USP50: variants seen among roughly 807,000 people sequenced by gnomAD.
The protein encoded by USP50 is ubiquitin carboxyl-terminal hydrolase 50.
A neutral mutation model predicts 39.2 loss-of-function variants in USP50; 37 were observed. The ratio of observed to expected loss-of-function variants is 0.94; its 90% CI spans 0.73 to 1.24. The LOEUF is 1.24. Ranked by LOEUF, USP50 falls within the 50% of genes most tolerant of loss-of-function variation. USP50 has a pLI of 0.00. For missense variants in USP50, 374 were observed against 398.2 expected (o/e 0.94, Z 0.52); for synonymous variants, 139 against 144.5 (o/e 0.96, Z 0.27).
At chr15:50,544,087 G>T (rs12443399) in intron 2 of USP50, 5 of 366,698 alleles carry the variant, frequency 1.4e-5, no homozygotes, top group African/African-American at 8.2e-5. Context: ...CAGCACTTTG[G>T]GGGGCCGAGG....
At chr15:50,531,535 G>A (rs1157684281) in intron 5 of USP50, among the ~76,000 whole-genome samples, 1 of 152,168 alleles carries the variant, frequency 6.6e-6, no homozygotes, top group African/African-American at 2.4e-5. Flanking sequence ...ATAGGCTTAG[G>A]GAGGAGAATG....
At chr15:50,505,224 GATAA>G in intron 6 of USP50, 1 of 152,136 alleles carries the variant, frequency 6.6e-6, no homozygotes, top group Non-Finnish European at 1.5e-5. Context: ...GCGAGCCAGG[GATAA>G]ATAAAAATAA....
At chr15:50,539,397 T>TG (rs1322940055) in intron 4 of USP50, among the ~76,000 whole-genome samples, 1 of 149,660 alleles carries the variant, frequency 6.7e-6, no homozygotes, top group Non-Finnish European at 1.5e-5. Flanking sequence ...TTCTGTTTTT[T>TG]TTTTTCAGAA....
intron 6 of USP50, among the ~76,000 whole-genome samples, chr15:50,515,618 C>T (rs1262747270): frequency 1.3e-5 from 2 of 149,738 alleles, no homozygotes; most frequent in Non-Finnish European, 3.0e-5. Context: ...AGGTTACTTT[C>T]TCAATTGTGA....
chr15:50,507,562 T>C (rs764025329), intron 6 of USP50: 3 of 152,106 alleles, frequency 2.0e-5, no homozygotes, highest in Non-Finnish European at 2.9e-5. Context: ...ACCCAAATTG[T>C]ATAATTTGAA....
intron 6 of USP50, chr15:50,508,060 ACT>A (rs1321248180): frequency 7.6e-5 from 10 of 131,606 alleles, no homozygotes; most frequent in African/African-American, 1.2e-4. Flanking sequence ...ACAGTGCAAG[ACT>A]CTGTCTCAAA....
downstream of USP50, chr15:50,495,864 G>C (rs1487081071): frequency 6.2e-7 from 1 of 1,613,110 alleles, no homozygotes; most frequent in Non-Finnish European, 8.5e-7. Flanking sequence ...AATCGGAAGA[G>C]ATATAAAGAA....
chr15:50,532,125 T>C (rs1309508847), intron 5 of USP50: 2 of 456,118 alleles, frequency 4.4e-6, no homozygotes, highest in Admixed American at 4.7e-5. Context: ...AGTTAAAAAC[T>C]CCAAAGAATC....
intron 6 of USP50, among the ~76,000 whole-genome samples, chr15:50,527,323 G>A (rs959785268): frequency 2.6e-5 from 4 of 152,122 alleles, no homozygotes; most frequent in Admixed American, 2.6e-4. Context: ...TCCTGCCTCA[G>A]CCTCCTGAGT....
intron 6 of USP50, among the ~76,000 whole-genome samples, chr15:50,514,994 TA>T (rs386382963): frequency 1.2e-3 from 93 of 74,626 alleles, no homozygotes; most frequent in African/African-American, 3.0e-3. Flanking sequence ...AGACACAGTC[TA>T]AAAAAAAAAA....
intron 6 of USP50, 190 bp from the exon 7 acceptor site, chr15:50,501,027 A>T (rs2052575638): frequency 1.8e-6 from 1 of 550,114 alleles, no homozygotes; most frequent in Non-Finnish European, 3.3e-6. Context: ...GTAACTACTT[A>T]TATGTTGTGC....
intron 5 of USP50, among the ~76,000 whole-genome samples, chr15:50,537,450 A>C (rs899924166): frequency 6.6e-6 from 1 of 151,956 alleles, no homozygotes; most frequent in Non-Finnish European, 1.5e-5. Flanking sequence ...GATAAGCTGG[A>C]CTCCATTACA....
chr15:50,495,803 TTTCTTTGAGA>T, downstream of USP50: 1 of 1,448,778 alleles, frequency 6.9e-7, no homozygotes, highest in South Asian at 1.2e-5. Flanking sequence ...ATTTAAATGT[TTTCTTTGAGA>T]TATTAATATA....
intron 4 of USP50, among the ~76,000 whole-genome samples, chr15:50,540,344 C>T (rs1371809178): frequency 6.6e-6 from 1 of 152,122 alleles, no homozygotes; most frequent in African/African-American, 2.4e-5. Context: ...TATAAGAGCT[C>T]AAGTCTAAGA....
At chr15:50,495,699 T>C (rs1189731109), downstream of USP50, 1 of 596,826 alleles carries the variant, frequency 1.7e-6, no homozygotes, top group African/African-American at 1.9e-5. Context: ...GCTAGAATTA[T>C]TTTTTGCCAC....
At chr15:50,522,675 T>A (rs1248421040) in intron 6 of USP50, among the ~76,000 whole-genome samples, 1 of 152,154 alleles carries the variant, frequency 6.6e-6, no homozygotes, top group Non-Finnish European at 1.5e-5. Context: ...TTATTTTATT[T>A]TTTGAGATAG....
intron 5 of USP50, 84 bp downstream of exon 5, chr15:50,538,625 A>T (rs1415265693): frequency 4.4e-6 from 6 of 1,370,172 alleles, no homozygotes; most frequent in Non-Finnish European, 5.9e-6. Flanking sequence ...TGTATACTCT[A>T]AATGGGTGAA....
At chr15:50,516,489 C>T (rs1262120205) in intron 6 of USP50, among the ~76,000 whole-genome samples, 2 of 151,918 alleles carry the variant, frequency 1.3e-5, no homozygotes, top group Admixed American at 6.6e-5. Context: ...TGGTGGCGGG[C>T]GCCTGTAATC....
At chr15:50,501,682 C>T (rs1394676705) in intron 6 of USP50, 1 of 152,072 alleles carries the variant, frequency 6.6e-6, no homozygotes, top group Non-Finnish European at 1.5e-5. Context: ...CATGTCTTTC[C>T]TAACCCAGTA....
Sources: gnomAD v4.1 joint callset for allele counts (sites outside exome capture counted in the v4.1 genomes callset) on GRCh38, gnomAD v4.1.1 for gene constraint, MANE v1.5 for transcripts, NCBI Gene and HGNC (gene_info 2026-07-23, HGNC 2026-07-21) for gene names.